RNF216: variants seen among roughly 807,000 people sequenced by gnomAD.
RNF216 encodes ring finger protein 216.
A neutral mutation model predicts 110.8 loss-of-function variants in RNF216; 72 were observed. The ratio of observed to expected loss-of-function variants is 0.65; its 90% CI spans 0.54 to 0.79. The LOEUF (loss-of-function observed/expected upper bound fraction) is 0.79, where lower values mean the gene tolerates loss of function less well. Among genes scored for constraint, RNF216 ranks in the 30% least tolerant of loss-of-function variants. RNF216 has a pLI of 0.00. For missense variants in RNF216, 1,342 were observed against 1,141.2 expected (o/e 1.18, Z -2.54); for synonymous variants, 495 against 407.5 (o/e 1.21, Z -2.59).
At chr7:5,687,409 AAAAAAG>A (rs1182485947) in intron 13 of RNF216, among the ~76,000 whole-genome samples, 1 of 150,190 alleles carries the variant, frequency 6.7e-6, no homozygotes, top group African/African-American at 2.4e-5. Context: ...AAAAAAAAAA[AAAAAAG>A]AAAAAGAAAA....
intron 2 of RNF216, among the ~76,000 whole-genome samples, chr7:5,757,427 G>GT (rs1795701379): frequency 9.6e-6 from 1 of 104,588 alleles, no homozygotes; most frequent in Non-Finnish European, 2.2e-5. Flanking sequence ...TGTGTGTGTG[G>GT]CTATCTGCAT....
At chr7:5,768,087 A>C (rs1035186116) in intron 1 of RNF216, among the ~76,000 whole-genome samples, 1 of 152,062 alleles carries the variant, frequency 6.6e-6, no homozygotes, top group African/African-American at 2.4e-5. Context: ...CACCTAAAAA[A>C]CTTAAACCAC....
intron 4 of RNF216, 93 bp downstream of exon 4, chr7:5,740,880 A>G: frequency 1.6e-6 from 2 of 1,283,836 alleles, no homozygotes; most frequent in Non-Finnish European, 2.1e-6. Flanking sequence ...AAGTCCACGC[A>G]TACCAACAAC....
chr7:5,734,809 G>A (rs1322819858), intron 5 of RNF216, among the ~76,000 whole-genome samples: 1 of 106,762 alleles, frequency 9.4e-6, no homozygotes, highest in Non-Finnish European at 2.2e-5. Flanking sequence ...GGGCGACAAG[G>A]GCAAAACTCT....
At chr7:5,679,858 G>A (rs1011429772) in intron 13 of RNF216, among the ~76,000 whole-genome samples, 2 of 152,092 alleles carry the variant, frequency 1.3e-5, no homozygotes, top group African/African-American at 2.4e-5. Context: ...TCCCTCACCC[G>A]CCTTTCTGCT....
rs918681781 is a variant in RNF216, at chr7:5,624,956, C to T, written c.2383-831G>A. 6.6e-6 allele frequency among the ~76,000 whole-genome samples: 1 copy of T among 152,218 alleles called. No individual in the cohort carries two copies. The highest frequency in any genetic ancestry group is 2.4e-5 in the African/African-American group (1 of 41,460). ...CAGGACAGACCACCCGTGATGCCTGCTTCATGAGTGGCGCTTACCTTAACC... is the reference window on the plus strand; with the variant it reads ...CAGGACAGACCACCCGTGATGCCTGTTTCATGAGTGGCGCTTACCTTAACC... On this transcript the variant is annotated intron_variant, in intron 15 of 16. Coordinates refer to ENST00000389902, the MANE Select transcript of RNF216 (RefSeq NM_207111.4). This position sits in a 1 kb window ranked among gnomAD's most constrained non-coding sequence, Gnocchi z 4.4.
chr7:5,775,928 T>A (rs1796750194), intron 1 of RNF216, among the ~76,000 whole-genome samples: 1 of 152,040 alleles, frequency 6.6e-6, no homozygotes. Context: ...GAAGATGACA[T>A]GCCCGTGTCA....
At chr7:5,753,833 A>G (rs2128664863) in intron 2 of RNF216, among the ~76,000 whole-genome samples, 1 of 152,262 alleles carries the variant, frequency 6.6e-6, no homozygotes, top group South Asian at 2.1e-4. Flanking sequence ...CGTCTCTACT[A>G]AAAATACAAA....
At chr7:5,663,596 A>C (rs1789299142) in intron 13 of RNF216, among the ~76,000 whole-genome samples, 2 of 149,052 alleles carry the variant, frequency 1.3e-5, no homozygotes, top group Non-Finnish European at 3.0e-5. Flanking sequence ...GAAAAAAAAA[A>C]AAAAAAAAAA....
At chr7:5,754,639 G>A (rs1795519620) in intron 2 of RNF216, among the ~76,000 whole-genome samples, 1 of 152,162 alleles carries the variant, frequency 6.6e-6, no homozygotes, top group African/African-American at 2.4e-5. Context: ...AATGGCCATA[G>A]TGAATAAGAC....
chr7:5,656,359 G>C lies in RNF216; in HGVS notation c.2062-3849C>G, dbSNP rs189086485. Among the ~76,000 whole-genome samples the C allele has an allele frequency of 6.6e-5, 10 of 152,294 alleles. No individual in the cohort carries two copies. In the South Asian group the frequency reaches 1.4e-3, roughly 22 times the overall value. ...ACATGATAACCACATTCTTCAATCT[G>C]TGGTTTACAAGAAAGCCCCAAAGGG... On this transcript the variant is annotated intron_variant, in intron 13 of 16. Transcript: ENST00000389902.
intron 1 of RNF216, among the ~76,000 whole-genome samples, chr7:5,770,919 T>A (rs549411889): frequency 6.6e-6 from 1 of 152,168 alleles, no homozygotes; most frequent in African/African-American, 2.4e-5. Flanking sequence ...GCGATTCTCC[T>A]GCTTCAGCCT....
chr7:5,697,571 G>C (rs1397625194), intron 13 of RNF216, among the ~76,000 whole-genome samples: 1 of 152,158 alleles, frequency 6.6e-6, no homozygotes. Flanking sequence ...AAAGAGATGA[G>C]GTCTTGCTAT....
At chr7:5,752,738 A>T in intron 3 of RNF216, 108 bp downstream of exon 3, 1 of 1,086,934 alleles carries the variant, frequency 9.2e-7, no homozygotes, top group Non-Finnish European at 1.3e-6. Flanking sequence ...GGCTGTTCTC[A>T]GAACGAGTAC....
chr7:5,754,835 C>G (rs1019576980), intron 2 of RNF216, among the ~76,000 whole-genome samples: 8 of 152,066 alleles, frequency 5.3e-5, no homozygotes, highest in Non-Finnish European at 8.8e-5. Flanking sequence ...CGAGACGAGC[C>G]TGGCCAACAT....
intron 4 of RNF216, chr7:5,739,571 T>C (rs1232180835): frequency 3.2e-6 from 2 of 629,462 alleles, no homozygotes; most frequent in Non-Finnish European, 3.0e-6. Flanking sequence ...TGGTTCTCTG[T>C]CCCCATTTTA....
At chr7:5,736,015 C>T (rs1794375261) in intron 5 of RNF216, among the ~76,000 whole-genome samples, 1 of 152,166 alleles carries the variant, frequency 6.6e-6, no homozygotes, top group Admixed American at 6.5e-5. Flanking sequence ...ATCACTTGAA[C>T]CTGGGAGATG....
At position 5,622,589 on chromosome 7, in the gene RNF216, G is replaced by A. The variant is rs914996346; in HGVS notation, c.*271C>T. ...GGCCTATGCCATGGACAAGGCAGAA[G>A]GACTGCCGTTGGTGGCCTGGGGGAT... is the stretch of plus-strand genomic sequence containing the variant. On this transcript the variant is annotated 3_prime_UTR_variant, in exon 17 of 17. Transcript: ENST00000389902. The A allele has an allele frequency of 1.5e-5, 7 of 467,410 alleles. No individual in the cohort carries two copies. The highest frequency in any genetic ancestry group is 1.9e-5 in the Non-Finnish European group (5 of 261,002). The allele number at this position is 467,410 out of a possible 1,614,324, so 29.0% of individuals were successfully genotyped here.
At chr7:5,623,623 G>A (rs771293921) in intron 16 of RNF216, among the ~76,000 whole-genome samples, 47 of 150,494 alleles carry the variant, frequency 3.1e-4, no homozygotes, top group Non-Finnish European at 5.7e-4. Context: ...AAAAACAGAT[G>A]GGGTCTTGCT....
Sources: gnomAD v4.1 joint callset for allele counts (sites outside exome capture counted in the v4.1 genomes callset) on GRCh38, gnomAD v4.1.1 for gene constraint, Gnocchi (gnomAD v3.1) non-coding constraint, MANE v1.5 for transcripts, NCBI Gene and HGNC (gene_info 2026-07-23, HGNC 2026-07-21) for gene names.